The following MSH4 variants were observed in gnomAD, a reference collection of about 807,000 sequenced individuals.
MSH4 encodes the protein mutS protein homolog 4.
In MSH4, 106 loss-of-function variants were observed where a neutral mutation model predicts 113.7. That is an observed-to-expected ratio of 0.93 (90% CI 0.80 to 1.10). The LOEUF (loss-of-function observed/expected upper bound fraction) is 1.10, where lower values mean the gene tolerates loss of function less well. Ranked by LOEUF, MSH4 falls within the 50% of genes least tolerant of loss-of-function variation. MSH4 has a pLI of 0.00. For missense variants in MSH4, 1,061 were observed against 1,093.7 expected, an observed-to-expected ratio of 0.97 and a Z score of 0.42; for synonymous variants, 368 against 380.2, an observed-to-expected ratio of 0.97 and a Z score of 0.37.
intron 8 of MSH4, among the ~76,000 whole-genome samples, chr1:75,858,248 AC>A (rs1651365187): frequency 1.3e-5 from 2 of 152,084 alleles, no homozygotes; most frequent in Non-Finnish European, 2.9e-5. Context: ...CTATTCAAAT[AC>A]CCTTTATTTC....
chr1:75,910,113 T>A (rs1266723986), intron 19 of MSH4, among the ~76,000 whole-genome samples: 1 of 152,186 alleles, frequency 6.6e-6, no homozygotes, highest in Non-Finnish European at 1.5e-5. Context: ...TTCAAACTAT[T>A]ATTTCATTTT....
chr1:75,811,912 A>G (rs1184105196), intron 4 of MSH4, among the ~76,000 whole-genome samples: 1 of 152,174 alleles, frequency 6.6e-6, no homozygotes, highest in Non-Finnish European at 1.5e-5. Context: ...TCCTGTATAG[A>G]TGAGCTGCCT....
intron 7 of MSH4, among the ~76,000 whole-genome samples, chr1:75,828,804 A>AT (rs1557499243): frequency 6.6e-6 from 1 of 152,052 alleles, no homozygotes; most frequent in Non-Finnish European, 1.5e-5. Context: ...ATCCAAAATA[A>AT]TTTTTTTTAA....
intron 7 of MSH4, among the ~76,000 whole-genome samples, chr1:75,825,486 A>G (rs949904939): frequency 1.3e-5 from 2 of 152,134 alleles, no homozygotes; most frequent in Non-Finnish European, 2.9e-5. Context: ...CCTGGCCAGA[A>G]CTTCCAATAC....
chr1:75,880,296 TAG>T (rs1338807342), intron 13 of MSH4, 143 bp downstream of exon 13: 2 of 560,350 alleles, frequency 3.6e-6, no homozygotes, highest in Non-Finnish European at 6.3e-6. Context: ...TCTTTGTGAT[TAG>T]AATCACTGAG....
intron 4 of MSH4, among the ~76,000 whole-genome samples, chr1:75,811,210 CATT>C (rs1650183774): frequency 6.6e-6 from 1 of 152,074 alleles, no homozygotes; most frequent in South Asian, 2.1e-4. Context: ...TTAATAATAT[CATT>C]ATAAAGAACA....
chr1:75,801,721 T>A (rs1649940566), intron 1 of MSH4, among the ~76,000 whole-genome samples: 1 of 144,950 alleles, frequency 6.9e-6, no homozygotes, highest in African/African-American at 2.6e-5. Context: ...AAAAAAAAAA[T>A]TAGCTGTGTG....
At chr1:75,872,800 T>C (rs1651743142) in intron 9 of MSH4, among the ~76,000 whole-genome samples, 1 of 152,218 alleles carries the variant, frequency 6.6e-6, no homozygotes, top group Non-Finnish European at 1.5e-5. Flanking sequence ...TTTATAGTGA[T>C]TGAGCATCTG....
chr1:75,840,498 ATCACACTCTGGGGATTGT>A (rs1163220048), intron 7 of MSH4, among the ~76,000 whole-genome samples: 2 of 123,596 alleles, frequency 1.6e-5, no homozygotes, highest in African/African-American at 6.3e-5. Flanking sequence ...GAAGGGGAAC[ATCACACTCTGGGGATTGT>A]TGTGGGGTGG....
intron 13 of MSH4, 67 bp downstream of exon 13, chr1:75,880,220 T>C: frequency 1.2e-6 from 1 of 830,030 alleles, no homozygotes; most frequent in Non-Finnish European, 1.9e-6. Context: ...GTTACAATTG[T>C]ATTAGTTTAA....
At chr1:75,901,205 G>C (rs984777439) in intron 19 of MSH4, among the ~76,000 whole-genome samples, 1 of 151,964 alleles carries the variant, frequency 6.6e-6, no homozygotes, top group African/African-American at 2.4e-5. Context: ...TGAACTATAC[G>C]ACACATATTA....
At position 75,855,093 on chromosome 1, in the gene MSH4, A is replaced by G. The variant is rs1022498556; in HGVS notation, c.1230+6817A>G. On this transcript the variant is annotated intron_variant, in intron 8 of 19. Coordinates refer to ENST00000263187, the MANE Select transcript of MSH4 (RefSeq NM_002440.4). ...CACTCTGTTATCTAAGCTGGAGTGC[A>G]GTGGTGTGATCATAGTTTACTTTAG... is the stretch of plus-strand genomic sequence containing the variant. 4.0e-4 allele frequency among the ~76,000 whole-genome samples: 60 copies of G among 151,628 alleles called. 1 individual carries two copies. Among genetic ancestry groups the G allele is most frequent in the Non-Finnish European group, 2.9e-4 (20 of 67,930 alleles).
chr1:75,882,408 T>C (rs989158417), intron 14 of MSH4, among the ~76,000 whole-genome samples: 2 of 152,054 alleles, frequency 1.3e-5, no homozygotes, highest in Non-Finnish European at 2.9e-5. Context: ...TTTTCACATA[T>C]GCTTTCACCC....
chr1:75,860,644 G>T (rs1651435191), intron 8 of MSH4, among the ~76,000 whole-genome samples: 1 of 152,214 alleles, frequency 6.6e-6, no homozygotes, highest in Non-Finnish European at 1.5e-5. Context: ...CTGTTAGTCT[G>T]ATGGGCTTCC....
chr1:75,817,228 T>A (rs978826881), intron 6 of MSH4, among the ~76,000 whole-genome samples: 1 of 152,252 alleles, frequency 6.6e-6, no homozygotes, highest in East Asian at 1.9e-4. Context: ...GTAAAGGAAC[T>A]TAATAGACAT....
At chr1:75,859,620 G>A (rs1446928897) in intron 8 of MSH4, among the ~76,000 whole-genome samples, 1 of 152,200 alleles carries the variant, frequency 6.6e-6, no homozygotes, top group Non-Finnish European at 1.5e-5. Context: ...ACTGTGGTCT[G>A]AGAGGCAGTT....
At chr1:75,872,530 G>A (rs1303202713) in intron 9 of MSH4, among the ~76,000 whole-genome samples, 2 of 152,082 alleles carry the variant, frequency 1.3e-5, no homozygotes, top group East Asian at 1.9e-4. Context: ...AGAAACAAAC[G>A]GATAAACTGT....
chr1:75,830,139 C>T (rs1258908113), intron 7 of MSH4, among the ~76,000 whole-genome samples: 3 of 151,942 alleles, frequency 2.0e-5, no homozygotes, highest in Admixed American at 6.6e-5. Flanking sequence ...CTTCTTGATG[C>T]GTGCACAAGC....
chr1:75,816,564 ATTTG>A lies in MSH4; in HGVS notation c.989+20_989+23del. 4.9e-6 allele frequency: 7 copies of A among 1,435,942 alleles called. No individual in the cohort carries two copies. The highest frequency in any genetic ancestry group is 5.7e-6 in the Non-Finnish European group (6 of 1,057,742). The allele number at this position is 1,435,942 out of a possible 1,614,324, so 89.0% of individuals were successfully genotyped here. On this transcript the variant is annotated intron_variant, in intron 6 of 19. Transcript: ENST00000263187. Reference sequence around the variant, plus strand: ...GACTATAGGTAAGATCATCCATTTTATTTGTATAAAATATATCGGTATATATATA... The same window carrying A: ...GACTATAGGTAAGATCATCCATTTTATATAAAATATATCGGTATATATATA...
Sources: gnomAD v4.1 joint callset for allele counts (sites outside exome capture counted in the v4.1 genomes callset) on GRCh38, gnomAD v4.1.1 for gene constraint, MANE v1.5 for transcripts, NCBI Gene and HGNC (gene_info 2026-07-23, HGNC 2026-07-21) for gene names.